The following AK7 variants were observed in gnomAD, a reference collection of about 807,000 sequenced individuals.
The protein encoded by AK7 is adenylate kinase 7.
Under a neutral mutation model 96.6 loss-of-function variants are expected in AK7, and 78 were observed. The ratio of observed to expected loss-of-function variants is 0.81; its 90% CI spans 0.67 to 0.97. The LOEUF is 0.97. Ranked by LOEUF, AK7 falls within the 50% of genes least tolerant of loss-of-function variation. The probability of loss-of-function intolerance (pLI) is 0.00; values close to 1 mark genes in which losing one functional copy is unlikely to be tolerated. For synonymous variants in AK7, 302 were observed against 317.2 expected (o/e 0.95, Z 0.51); for missense variants, 855 against 887.9 (o/e 0.96, Z 0.47).
intron 5 of AK7, among the ~76,000 whole-genome samples, chr14:96,429,867 G>A (rs1259148592): frequency 1.3e-5 from 2 of 152,190 alleles, no homozygotes; most frequent in Non-Finnish European, 1.5e-5. Context: ...TTTGGGCTGA[G>A]ACAATGGGGT....
chr14:96,398,274 G>C lies in AK7; in HGVS notation c.294+11G>C, dbSNP rs774733994. The C allele has an allele frequency of 6.2e-7, 1 of 1,612,210 alleles. No individual in the cohort carries two copies. The highest frequency in any genetic ancestry group is 1.1e-5 in the South Asian group (1 of 90,984). On this transcript the variant is annotated intron_variant, in intron 2 of 17. Transcript: ENST00000267584. ...GTGGAGACGTACTCTGTAAGTCCCG[G>C]AGGCTCTGGCCAGGAGTAGACAGAG...
At chr14:96,402,419 G>A (rs139002333) in intron 2 of AK7, among the ~76,000 whole-genome samples, 28 of 152,302 alleles carry the variant, frequency 1.8e-4, no homozygotes, top group East Asian at 5.8e-4. Flanking sequence ...ACACGTGTGC[G>A]TGTTTTTCTG....
At chr14:96,426,280 A>C (rs886132798) in intron 5 of AK7, among the ~76,000 whole-genome samples, 2 of 152,206 alleles carry the variant, frequency 1.3e-5, no homozygotes, top group Non-Finnish European at 2.9e-5. Context: ...GCATAAAGAA[A>C]CCAGCAAAAA....
In AK7 at chr14:96,423,568, T is replaced by C. The variant is rs150223018; in HGVS notation, c.609+2636T>C. ...CAGGAAAAGTCACCCTAAGCCACCA[T>C]CTCAGTGCTCAGGTCTTGTCTGTCC... On this transcript the variant is annotated intron_variant, in intron 5 of 17. Transcript: ENST00000267584. 1.1e-3 allele frequency: 514 copies of C among 486,952 alleles called. 2 individuals are homozygous for C. The highest frequency in any genetic ancestry group is 9.2e-3 in the African/African-American group (471 of 51,234). The allele number at this position is 486,952 out of a possible 1,614,324, so 30.2% of individuals were successfully genotyped here.
In AK7 at chr14:96,481,625, C is replaced by T. The variant is rs542483686; in HGVS notation, c.1754-1374C>T. ...CCTCCCAAAGTTCTGGGATTACAGG[C>T]GTGAGCCACCACACCCAGTGAGAAA... On this transcript the variant is annotated intron_variant, in intron 15 of 17. Transcript: ENST00000267584. 5.9e-5 allele frequency among the ~76,000 whole-genome samples: 9 copies of T among 151,614 alleles called. No homozygotes were observed. The South Asian group carries it at 1.7e-3, about 28-fold the overall frequency.
intron 2 of AK7, among the ~76,000 whole-genome samples, chr14:96,404,526 A>G (rs1002853306): frequency 1.3e-5 from 2 of 152,230 alleles, no homozygotes; most frequent in African/African-American, 4.8e-5. Context: ...TAAGATTATT[A>G]TGCAATTTTT....
chr14:96,486,919 A>G lies in AK7; in HGVS notation c.1996A>G (p.Lys666Glu), dbSNP rs1566817208. The G allele has an allele frequency of 6.2e-7, 1 of 1,613,872 alleles. No homozygotes were observed. Among genetic ancestry groups the G allele is most frequent in the Non-Finnish European group, 8.5e-7 (1 of 1,179,924 alleles). ...EEWNKRLEEV[K>E]REERELLEAQ... is the part of the protein sequence containing the mutation. ...TTAGAATAAACGACTGGAGGAAGTGAAAAGAGAAGAAAGAGAATTACTGGA... is the reference window on the plus strand; with the variant it reads ...TTAGAATAAACGACTGGAGGAAGTGGAAAGAGAAGAAAGAGAATTACTGGA... Residue 666 changes from lysine to glutamate, a missense_variant, in exon 17 of 18, where the codon AAA becomes GAA. Physicochemically the swap from Lys to Glu is moderately conservative, Grantham distance 56. Transcript: ENST00000267584.
intron 7 of AK7, among the ~76,000 whole-genome samples, chr14:96,443,941 T>A (rs999859605): frequency 6.6e-6 from 1 of 151,718 alleles, no homozygotes; most frequent in Non-Finnish European, 1.5e-5. Flanking sequence ...GCCTGGCTAA[T>A]TTTTTGTATT....
chr14:96,408,155 C>T (rs892570247), intron 3 of AK7, among the ~76,000 whole-genome samples: 1 of 152,240 alleles, frequency 6.6e-6, no homozygotes, highest in Admixed American at 6.5e-5. Context: ...CCCCGAATTA[C>T]TTCCTTCCAC....
At chr14:96,419,683 G>A (rs898699132) in intron 4 of AK7, among the ~76,000 whole-genome samples, 4 of 151,514 alleles carry the variant, frequency 2.6e-5, no homozygotes, top group Non-Finnish European at 5.9e-5. Flanking sequence ...GAATCTCAGT[G>A]GCAACCTGCT....
At chr14:96,465,700 A>G (rs1447182857) in intron 12 of AK7, among the ~76,000 whole-genome samples, 1 of 152,010 alleles carries the variant, frequency 6.6e-6, no homozygotes, top group African/African-American at 2.4e-5. Context: ...TTATCCAAGT[A>G]TTCAAGTAGG....
intron 4 of AK7, among the ~76,000 whole-genome samples, chr14:96,417,696 T>C (rs1471853207): frequency 6.6e-6 from 1 of 152,198 alleles, no homozygotes; most frequent in Non-Finnish European, 1.5e-5. Flanking sequence ...ACTACTCAAG[T>C]GGTTGTGCAG....
intron 5 of AK7, among the ~76,000 whole-genome samples, chr14:96,423,371 A>G (rs1222978458): frequency 2.0e-5 from 3 of 152,154 alleles, no homozygotes; most frequent in Non-Finnish European, 2.9e-5. Flanking sequence ...TTGCTCTATT[A>G]CTGTAGACCT....
chr14:96,441,426 G>T (rs975865023), intron 6 of AK7, among the ~76,000 whole-genome samples: 2 of 151,502 alleles, frequency 1.3e-5, no homozygotes. Context: ...ATCACCTGAG[G>T]TCAGGAGTTC....
intron 15 of AK7, among the ~76,000 whole-genome samples, chr14:96,479,296 C>T (rs182033845): frequency 0.012 from 1,811 of 151,942 alleles, 43 homozygotes; most frequent in African/African-American, 0.042. Context: ...CCAGGATGGT[C>T]TCGATCTCCT....
chr14:96,447,602 G>T (rs1306762138), intron 8 of AK7, among the ~76,000 whole-genome samples: 2 of 151,908 alleles, frequency 1.3e-5, no homozygotes, highest in African/African-American at 4.8e-5. Flanking sequence ...GATTACAGGG[G>T]TAAGCCACAG....
chr14:96,403,935 A>T (rs1467972815), intron 2 of AK7, among the ~76,000 whole-genome samples: 1 of 152,052 alleles, frequency 6.6e-6, no homozygotes, highest in Non-Finnish European at 1.5e-5. Flanking sequence ...ACCAGAGGTC[A>T]AGAGTTTGAG....
At chr14:96,402,448 G>A (rs1890471165) in intron 2 of AK7, among the ~76,000 whole-genome samples, 1 of 152,140 alleles carries the variant, frequency 6.6e-6, no homozygotes, top group African/African-American at 2.4e-5. Context: ...ACTCCCACCT[G>A]CTTTTACAAG....
intron 11 of AK7, 45 bp from the exon 12 acceptor site, chr14:96,458,038 T>C: frequency 3.7e-6 from 6 of 1,600,054 alleles, no homozygotes; most frequent in Non-Finnish European, 5.1e-6. Context: ...GAATAGCAAA[T>C]GGATGTGGGG....
Sources: allele counts gnomAD v4.1 joint callset (sites outside exome capture counted in the v4.1 genomes callset), GRCh38; gene constraint gnomAD v4.1.1; transcripts MANE v1.5; gene names NCBI Gene and HGNC (gene_info 2026-07-23, HGNC 2026-07-21).